Variants in ANXA1 observed in about 807,000 individuals in gnomAD.
ANXA1 encodes annexin A1.
ANXA1 carries 39 observed loss-of-function variants against 47.9 expected under a neutral mutation model. The ratio of observed to expected loss-of-function variants is 0.81; its 90% CI spans 0.63 to 1.06. The LOEUF (loss-of-function observed/expected upper bound fraction) is 1.06, where lower values mean the gene tolerates loss of function less well. Among genes scored for constraint, ANXA1 ranks in the 50% least tolerant of loss-of-function variants. The pLI is 0.00. For synonymous variants in ANXA1, 146 were observed against 142.5 expected (o/e 1.02, Z -0.17); for missense variants, 446 against 422.7 (o/e 1.06, Z -0.48).
chr9:73,167,785 G>A, intron 11 of ANXA1: 3 of 454,760 alleles, frequency 6.6e-6, no homozygotes, highest in Non-Finnish European at 1.2e-5. Context: ...AGTGATTTAC[G>A]GCTCACTTGT....
Position 73,165,275 on chromosome 9 carries a change from A to G in ANXA1, c.706+66A>G. 7 of 1,329,080 alleles carry G rather than the reference A, an allele frequency of 5.3e-6. No individual in the cohort carries two copies. In the South Asian group the frequency reaches 8.6e-5, roughly 16 times the overall value. 82.3% of individuals were successfully genotyped at this position (1,329,080 alleles called of 1,614,324 possible). A position where few individuals can be genotyped will look rare whatever the true frequency, so the allele number is the denominator to read the frequency against. On this transcript the variant is annotated intron_variant, in intron 9 of 12. Coordinates refer to ENST00000257497, the MANE Select transcript of ANXA1 (RefSeq NM_000700.3). ...ATGCAATTTTCTTTTTTGATGACAA[A>G]TAAGAGAAAGTAAAAACAGAACCCT...
At chr9:73,164,493 C>G (rs1029288559) in intron 8 of ANXA1, among the ~76,000 whole-genome samples, 21 of 152,000 alleles carry the variant, frequency 1.4e-4, no homozygotes, top group African/African-American at 5.1e-4. Flanking sequence ...TATCAGGGTT[C>G]TTAATATATA....
chr9:73,162,901 A>G (rs1824167203), intron 7 of ANXA1, 40 bp downstream of exon 7: 1 of 1,494,002 alleles, frequency 6.7e-7, no homozygotes, highest in African/African-American at 1.4e-5. Flanking sequence ...CTTGTTTTAT[A>G]AAGACTAATT....
At chr9:73,159,285 A>T in intron 3 of ANXA1, 44 bp from the exon 4 acceptor site, 1 of 1,437,996 alleles carries the variant, frequency 7.0e-7, no homozygotes, top group Non-Finnish European at 9.8e-7. Context: ...TCAATTGATG[A>T]TGAAGAAAAT....
Position 73,159,414 on chromosome 9 carries a change from A to T in ANXA1, c.261A>T (p.Glu87Asp). 6.2e-7 allele frequency: 1 copy of T among 1,612,592 alleles called. No homozygotes were observed. The highest frequency in any genetic ancestry group is 8.5e-7 in the Non-Finnish European group (1 of 1,178,908). The part of the protein sequence containing the change: ...RQQIKAAYLQ[E>D]TGKPLDETLK... ...AGATCAAAGCAGCATATCTCCAGGA[A>T]ACAGGAAAGGTAAGTTAGAGTGGTA... Residue 87 changes from glutamate to aspartate, a missense_variant, in exon 4 of 13, where the codon GAA (glutamate) becomes GAT (aspartate). Transcript: ENST00000257497.
At chr9:73,163,804 T>TA (rs551579113) in intron 8 of ANXA1, among the ~76,000 whole-genome samples, 1 of 152,000 alleles carries the variant, frequency 6.6e-6, no homozygotes, top group East Asian at 1.9e-4. Flanking sequence ...AATTGTTTGT[T>TA]AAAAAAAACT....
chr9:73,168,899 GTGTGTGTGTGTGTA>G, intron 11 of ANXA1, 119 bp from the exon 12 acceptor site: 1 of 673,570 alleles, frequency 1.5e-6, no homozygotes, highest in Non-Finnish European at 2.5e-6. Flanking sequence ...GTGTGTGTGT[GTGTGTGTGTGTGTA>G]TAGCTAGTTT....
intron 11 of ANXA1, chr9:73,168,344 A>C (rs1824266794): frequency 1.3e-5 from 2 of 152,194 alleles, no homozygotes; most frequent in South Asian, 4.1e-4. Context: ...GTAATGATGA[A>C]TACCTGGTGC....
At chr9:73,159,482 A>T (rs1262991728) in intron 4 of ANXA1, 59 bp downstream of exon 4, 1 of 1,444,786 alleles carries the variant, frequency 6.9e-7, no homozygotes, top group African/African-American at 1.4e-5. Flanking sequence ...TTAACCATGG[A>T]TTCGGAAGCA....
intron 1 of ANXA1, chr9:73,154,230 T>C (rs1434390427): frequency 5.3e-6 from 6 of 1,132,842 alleles, no homozygotes; most frequent in Non-Finnish European, 7.3e-6. Flanking sequence ...GAAATACATA[T>C]TCGAGGAAAA....
At chr9:73,153,001 T>G (rs1823995005) in intron 1 of ANXA1, among the ~76,000 whole-genome samples, 3 of 152,170 alleles carry the variant, frequency 2.0e-5, no homozygotes, top group African/African-American at 7.2e-5. Context: ...TTGCCCTCTT[T>G]CCACAGGAGT....
chr9:73,169,911 GTATA>G (rs558234409), intron 12 of ANXA1, 136 bp from the exon 13 acceptor site: 337 of 500,448 alleles, frequency 6.7e-4, no homozygotes, highest in Non-Finnish European at 9.4e-4. Flanking sequence ...GTTATCTGTT[GTATA>G]TATTGTTTAA....
chr9:73,158,746 C>T lies in ANXA1; in HGVS notation c.118C>T (p.Pro40Ser). The T allele has an allele frequency of 6.2e-7, 1 of 1,613,900 alleles. No homozygotes were observed. Among genetic ancestry groups the T allele is most frequent in the South Asian group, 1.1e-5 (1 of 91,080 alleles). Residue 40 changes from proline (P) to serine (S), a missense_variant, in exon 3 of 13, where the codon CCT (proline) becomes TCT (serine). By Grantham distance (74) the Pro-to-Ser change is moderately conservative. Transcript: ENST00000257497. ...GGPGSAVSPY[P>S]TFNPSSDVAA... ...TCCCGGATCAGCGGTGAGCCCCTAT[C>T]CTACCTTCAATCCATCCTCGGATGT...
In ANXA1 at chr9:73,167,577, T is replaced by G. The variant is rs745488481; in HGVS notation, c.861+22T>G. The G allele has an allele frequency of 2.5e-6, 4 of 1,599,628 alleles. No individual in the cohort carries two copies. The East Asian group carries it at 6.7e-5, about 27-fold the overall frequency. On this transcript the variant is annotated intron_variant, in intron 11 of 12. Transcript: ENST00000257497. ...GAAAGTATGTACCATTCTACTTATA[T>G]GTCCTGCTTAGAGGAAGAATTATTT...
intron 1 of ANXA1, chr9:73,154,456 G>A (rs1036091017): frequency 1.1e-5 from 11 of 981,326 alleles, no homozygotes; most frequent in South Asian, 5.7e-5. Flanking sequence ...CTTTCTTCCC[G>A]ACAGAGTCTT....
chr9:73,168,916 G>A, intron 11 of ANXA1, 116 bp from the exon 12 acceptor site: 1 of 411,928 alleles, frequency 2.4e-6, no homozygotes, highest in Non-Finnish European at 4.1e-6. Context: ...TGTGTGTATA[G>A]CTAGTTTCTC....
intron 12 of ANXA1, among the ~76,000 whole-genome samples, 185 bp downstream of exon 12, chr9:73,169,339 T>A (rs1824286284): frequency 6.6e-6 from 1 of 152,158 alleles, no homozygotes; most frequent in African/African-American, 2.4e-5. Context: ...AGTTCTCTAC[T>A]GAAATACTGG....
chr9:73,158,360 A>G (rs1436916101), intron 1 of ANXA1, 162 bp from the exon 2 acceptor site: 2 of 581,588 alleles, frequency 3.4e-6, no homozygotes, highest in Admixed American at 3.0e-5. Context: ...TTTAAAAAAA[A>G]TTACGTCTTA....
chr9:73,168,519 A>G (rs938943403), intron 11 of ANXA1: 2 of 152,456 alleles, frequency 1.3e-5, no homozygotes, highest in Non-Finnish European at 2.9e-5. Context: ...GAAGTAACCC[A>G]CACACAGGCT....
Sources: allele counts gnomAD v4.1 joint callset (sites outside exome capture counted in the v4.1 genomes callset), GRCh38; gene constraint gnomAD v4.1.1; transcripts MANE v1.5; gene names NCBI Gene and HGNC (gene_info 2026-07-23, HGNC 2026-07-21).